Variants in ARL8A observed in about 807,000 individuals in gnomAD.
The protein encoded by ARL8A is ADP-ribosylation factor-like protein 8A.
ARL8A carries 10 observed loss-of-function variants against 31.2 expected under a neutral mutation model. The observed-to-expected ratio is 0.32, with a 90% CI of 0.20 to 0.54. The LOEUF is 0.54. Among genes scored for constraint, ARL8A ranks in the 20% least tolerant of loss-of-function variants. The pLI is 0.93. For synonymous variants in ARL8A, 70 were observed against 86.9 expected, an observed-to-expected ratio of 0.81 and a Z score of 1.08; for missense variants, 129 against 242.8, an observed-to-expected ratio of 0.53 and a Z score of 3.12.
At chr1:202,141,575 G>A (rs1292661411) in intron 1 of ARL8A, among the ~76,000 whole-genome samples, 9 of 151,366 alleles carry the variant, frequency 5.9e-5, no homozygotes, top group Non-Finnish European at 1.3e-4. Flanking sequence ...CTGGGAGGCG[G>A]AGGTTGCAGT....
intron 1 of ARL8A, among the ~76,000 whole-genome samples, chr1:202,143,004 C>T (rs374088718): frequency 1.3e-5 from 2 of 152,122 alleles, no homozygotes; most frequent in South Asian, 4.1e-4. Flanking sequence ...TAAGTCAATG[C>T]CAAGTTTAAC....
chr1:202,137,084 C>T (rs1377277403), intron 3 of ARL8A, among the ~76,000 whole-genome samples: 1 of 152,080 alleles, frequency 6.6e-6, no homozygotes, highest in Non-Finnish European at 1.5e-5. Flanking sequence ...TCTCGATCTT[C>T]TGACCTCGTG....
chr1:202,138,180 C>T lies in ARL8A; in HGVS notation c.205-142G>A, dbSNP rs1655066645. 3.4e-6 allele frequency: 4 copies of T among 1,160,688 alleles called. No individual in the cohort carries two copies. Among genetic ancestry groups the T allele is most frequent in the Non-Finnish European group, 5.0e-6 (4 of 803,966 alleles). The allele number at this position is 1,160,688 out of a possible 1,614,324, so 71.9% of individuals were successfully genotyped here. On this transcript the variant is annotated intron_variant, in intron 2 of 6. Transcript: ENST00000272217. This position sits in a 1 kb window ranked among gnomAD's most constrained non-coding sequence, Gnocchi z 4.4. The stretch of plus-strand genomic sequence containing the variant: ...TCCAGTTCTCCCCCGTCTCCACCCG[C>T]TCTCCGTCTACCTTAGAAGTCTTCT...
chr1:202,141,043 G>C (rs1364235244), intron 1 of ARL8A, among the ~76,000 whole-genome samples: 3 of 152,192 alleles, frequency 2.0e-5, no homozygotes, highest in Non-Finnish European at 4.4e-5. Context: ...AGATCCACAG[G>C]CTACCAAGTA....
In ARL8A at chr1:202,135,042, G is replaced by T; in HGVS notation, c.511+108C>A. 8.8e-7 allele frequency: 1 copy of T among 1,140,494 alleles called. No homozygotes were observed. Among genetic ancestry groups the T allele is most frequent in the Non-Finnish European group, 1.3e-6 (1 of 773,208 alleles). 70.6% of individuals were successfully genotyped at this position (1,140,494 alleles called of 1,614,324 possible). A position where few individuals can be genotyped will look rare whatever the true frequency, so the allele number is the denominator to read the frequency against. On this transcript the variant is annotated intron_variant, in intron 6 of 6. Transcript: ENST00000272217. The surrounding 1 kb of genome is among the most constrained non-coding windows in gnomAD (Gnocchi z 5.3). ...ACCTGGCTGCCTTTTCTACCCAAGA[G>T]CCACAGGGCTTTGGACTTCAGGGAA...
rs891243133 is a variant in ARL8A at position 202,135,021 on chromosome 1, G to C, written c.511+129C>G. ...ATAGTGCCCAGAATCTGGGCCACCT[G>C]GCTGCCTTTTCTACCCAAGAGCCAC... On this transcript the variant is annotated intron_variant, in intron 6 of 6. Coordinates refer to ENST00000272217, the MANE Select transcript of ARL8A (RefSeq NM_138795.4). The surrounding 1 kb of genome is among the most constrained non-coding windows in gnomAD (Gnocchi z 5.3). 1.1e-6 allele frequency: 1 copy of C among 883,538 alleles called. No homozygotes were observed. The highest frequency in any genetic ancestry group is 1.7e-5 in the African/African-American group (1 of 59,492). 54.7% of individuals were successfully genotyped at this position (883,538 alleles called of 1,614,324 possible).
chr1:202,144,520 T>C lies in ARL8A; in HGVS notation c.53A>G (p.Lys18Arg). The C allele has an allele frequency of 6.7e-7, 1 of 1,486,092 alleles. No homozygotes were observed. Among genetic ancestry groups the C allele is most frequent in the Non-Finnish European group, 9.1e-7 (1 of 1,100,434 alleles). 92.1% of individuals were successfully genotyped at this position (1,486,092 alleles called of 1,614,324 possible). A position where few individuals can be genotyped will look rare whatever the true frequency, so the allele number is the denominator to read the frequency against. ...LLDWFKALFWKEEMELTLVGL... is the reference protein window; with the variant it reads ...LLDWFKALFWREEMELTLVGL... ...GACCAGCGTGAGCTCCATCTCCTCC[T>C]TCCAGAATAGGGCCTTGAACCAGTC... Residue 18 changes from lysine to arginine, a missense_variant, in exon 1 of 7, where the codon AAG (lysine) becomes AGG (arginine). Coordinates refer to ENST00000272217, the MANE Select transcript of ARL8A (RefSeq NM_138795.4). This position sits in a 1 kb window ranked among gnomAD's most constrained non-coding sequence, Gnocchi z 5.2.
chr1:202,138,015 CG>C lies in ARL8A; in HGVS notation c.227del (p.Pro76ArgfsTer14). The C allele has an allele frequency of 6.2e-7, 1 of 1,614,106 alleles. No homozygotes were observed. Among genetic ancestry groups the C allele is most frequent in the Non-Finnish European group, 8.5e-7 (1 of 1,180,036 alleles). ...TIKLWDIGGQPRFRSMWERYC... is the reference protein window; with the variant it reads ...TIKLWDIGGQXRFRSMWERYC... ...AGCGCTCCCACATGCTGCGGAAACGCGGCTGTCCCCCAATGTCCCAGAGCTG... is the reference window on the plus strand; with the variant it reads ...AGCGCTCCCACATGCTGCGGAAACGCGCTGTCCCCCAATGTCCCAGAGCTG... On this transcript the variant is annotated frameshift_variant, in exon 3 of 7. Transcript: ENST00000272217. LOFTEE classifies it high-confidence loss of function. This position sits in a 1 kb window ranked among gnomAD's most constrained non-coding sequence, Gnocchi z 4.4.
At chr1:202,143,124 G>A (rs906972476) in intron 1 of ARL8A, among the ~76,000 whole-genome samples, 1 of 152,212 alleles carries the variant, frequency 6.6e-6, no homozygotes, top group African/African-American at 2.4e-5. Flanking sequence ...ATCCTGCCCT[G>A]TCAGGTCAGG....
In ARL8A at chr1:202,138,310, C is replaced by T. The variant is rs1655071893; in HGVS notation, c.204+58G>A. 15 of 1,529,016 alleles carry T rather than the reference C, an allele frequency of 9.8e-6. 1 individual carries two copies. Among genetic ancestry groups the T allele is most frequent in the Non-Finnish European group, 1.3e-5 (14 of 1,104,742 alleles). 94.7% of individuals were successfully genotyped at this position (1,529,016 alleles called of 1,614,324 possible). A position where few individuals can be genotyped will look rare whatever the true frequency, so the allele number is the denominator to read the frequency against. On this transcript the variant is annotated intron_variant, in intron 2 of 6. Transcript: ENST00000272217. The surrounding 1 kb of genome is among the most constrained non-coding windows in gnomAD (Gnocchi z 4.4). ...GCCCTCCCCAACACACACACACACA[C>T]ACACACACACACACACAAAAACAGT...
At position 202,144,401 on chromosome 1, in the gene ARL8A, C is replaced by A; in HGVS notation, c.123+49G>T. ...AGGGCGCGGCGCGGGCGGGGACAGG[C>A]CCGACCCGCGGCCCGCGCCCGGGGA... On this transcript the variant is annotated intron_variant, in intron 1 of 6. Transcript: ENST00000272217. This position sits in a 1 kb window ranked among gnomAD's most constrained non-coding sequence, Gnocchi z 5.2. 1 of 1,261,732 alleles carries A rather than the reference C, an allele frequency of 7.9e-7. No homozygotes were observed. The allele number at this position is 1,261,732 out of a possible 1,614,324, so 78.2% of individuals were successfully genotyped here. A position where few individuals can be genotyped will look rare whatever the true frequency, so the allele number is the denominator to read the frequency against.
Position 202,135,152 on chromosome 1 carries a change from A to G in ARL8A, c.509T>C (p.Ile170Thr). 1.2e-6 allele frequency: 2 copies of G among 1,613,418 alleles called. No homozygotes were observed. The highest frequency in any genetic ancestry group is 1.7e-6 in the Non-Finnish European group (2 of 1,179,466). Residue 170 changes from isoleucine to threonine, a missense_variant and splice_region_variant, in exon 6 of 7, where the codon ATT (isoleucine) becomes ACT (threonine). Coordinates refer to ENST00000272217, the MANE Select transcript of ARL8A (RefSeq NM_138795.4). The surrounding 1 kb of genome is among the most constrained non-coding windows in gnomAD (Gnocchi z 5.3). ...TCCCTTTCCCCCATCCTACGCACCAATGTTGTCCTTTTCTTTGCAAGAGAT... is the reference window on the plus strand; with the variant it reads ...TCCCTTTCCCCCATCCTACGCACCAGTGTTGTCCTTTTCTTTGCAAGAGAT... The part of the protein sequence containing the change: ...YSISCKEKDN[I>T]DITLQWLIQH...
In ARL8A at chr1:202,138,179, G is replaced by T. The variant is rs566918697; in HGVS notation, c.205-141C>A. 1.7e-6 allele frequency: 2 copies of T among 1,154,466 alleles called. No individual in the cohort carries two copies. The highest frequency in any genetic ancestry group is 2.5e-6 in the Non-Finnish European group (2 of 798,904). The allele number at this position is 1,154,466 out of a possible 1,614,324, so 71.5% of individuals were successfully genotyped here. A position where few individuals can be genotyped will look rare whatever the true frequency, so the allele number is the denominator to read the frequency against. On this transcript the variant is annotated intron_variant, in intron 2 of 6. Coordinates refer to ENST00000272217, the MANE Select transcript of ARL8A (RefSeq NM_138795.4). The surrounding 1 kb of genome is among the most constrained non-coding windows in gnomAD (Gnocchi z 4.4). The stretch of plus-strand genomic sequence containing the variant: ...CTCCAGTTCTCCCCCGTCTCCACCC[G>T]CTCTCCGTCTACCTTAGAAGTCTTC...
Position 202,134,380 on chromosome 1 carries a change from C to G in ARL8A, c.*87G>C. The G allele has an allele frequency of 7.5e-6, 10 of 1,340,710 alleles. No individual in the cohort carries two copies. Among genetic ancestry groups the G allele is most frequent in the Middle Eastern group, 2.7e-4 (1 of 3,754 alleles). The allele number at this position is 1,340,710 out of a possible 1,614,324, so 83.1% of individuals were successfully genotyped here. A position where few individuals can be genotyped will look rare whatever the true frequency, so the allele number is the denominator to read the frequency against. ...CTCACACTGGGTGAGGAGGGGTGGG[C>G]TTAGGGGGACGACAGGGGTGGGCGG... On this transcript the variant is annotated 3_prime_UTR_variant, in exon 7 of 7. Transcript: ENST00000272217. This position sits in a 1 kb window ranked among gnomAD's most constrained non-coding sequence, Gnocchi z 4.2.
At chr1:202,136,736 A>G (rs1209484716) in intron 3 of ARL8A, among the ~76,000 whole-genome samples, 2 of 152,014 alleles carry the variant, frequency 1.3e-5, no homozygotes, top group African/African-American at 4.8e-5. Flanking sequence ...GGCTCAGCTA[A>G]TTTTTGTACT....
Position 202,144,453 on chromosome 1 carries a change from G to T in ARL8A, c.120C>A (p.Ile40=), listed in dbSNP as rs2147815462. The change falls in exon 1 of 7, where the codon ATC becomes ATA. Residue 40 remains isoleucine, a synonymous_variant. Transcript: ENST00000272217. The surrounding 1 kb of genome is among the most constrained non-coding windows in gnomAD (Gnocchi z 5.2). Reference sequence around the variant, plus strand: ...CCCGCGCCCGACGCCCTCGTACCGCGATCACGTTGACGAAGGTGGTCTTGC... The same window carrying T: ...CCCGCGCCCGACGCCCTCGTACCGCTATCACGTTGACGAAGGTGGTCTTGC... ...YSGKTTFVNV[I]ASGQFNEDMI... is the part of the protein sequence containing the mutation. The T allele has an allele frequency of 1.4e-6, 2 of 1,437,302 alleles. No individual in the cohort carries two copies. The highest frequency in any genetic ancestry group is 3.5e-5 in the East Asian group (1 of 28,510). 89.0% of individuals were successfully genotyped at this position (1,437,302 alleles called of 1,614,324 possible).
chr1:202,141,636 C>CT (rs1363506761), intron 1 of ARL8A, among the ~76,000 whole-genome samples: 10 of 146,816 alleles, frequency 6.8e-5, no homozygotes, highest in Admixed American at 3.4e-4. Flanking sequence ...GAGCAACACT[C>CT]TGTCTCAAAA....
intron 1 of ARL8A, among the ~76,000 whole-genome samples, chr1:202,141,501 G>A (rs957065189): frequency 6.6e-6 from 1 of 151,886 alleles, no homozygotes; most frequent in Non-Finnish European, 1.5e-5. Context: ...AATTAGCCAG[G>A]CATGGTGGTG....
chr1:202,138,081 C>G lies in ARL8A; in HGVS notation c.205-43G>C, dbSNP rs749719697. 1 of 1,609,652 alleles carries G rather than the reference C, an allele frequency of 6.2e-7. No homozygotes were observed. The highest frequency in any genetic ancestry group is 1.7e-5 in the Admixed American group (1 of 60,006). On this transcript the variant is annotated intron_variant, in intron 2 of 6. Coordinates refer to ENST00000272217, the MANE Select transcript of ARL8A (RefSeq NM_138795.4). The surrounding 1 kb of genome is among the most constrained non-coding windows in gnomAD (Gnocchi z 4.4). ...GAGATAGCCTCAGTAGTGGGCAGGC[C>G]ACCAAAACGTGTCTTGGGTCTCAAA...
Sources: allele counts gnomAD v4.1 joint callset (sites outside exome capture counted in the v4.1 genomes callset), GRCh38; gene constraint gnomAD v4.1.1; non-coding constraint Gnocchi (gnomAD v3.1); transcripts MANE v1.5; gene names NCBI Gene and HGNC (gene_info 2026-07-23, HGNC 2026-07-21).